Variants in PRH1 observed in about 807,000 individuals in gnomAD.
PRH1 encodes the protein proline rich protein HaeIII subfamily 1, also known as salivary acidic proline-rich phosphoprotein 1/2.
A neutral mutation model predicts 7.9 loss-of-function variants in PRH1; 7 were observed. That is an observed-to-expected ratio of 0.89 (90% CI 0.50 to 1.67). PRH1 has a LOEUF of 1.67. Among genes scored for constraint, PRH1 ranks in the 40% most tolerant of loss-of-function variants. The pLI is 0.00. For missense variants in PRH1, 109 were observed against 223.6 expected, an observed-to-expected ratio of 0.49 and a Z score of 3.27; for synonymous variants, 45 against 80.8, an observed-to-expected ratio of 0.56 and a Z score of 2.38.
intron 1 of PRH1, among the ~76,000 whole-genome samples, chr12:11,084,533 G>T (rs1185682092): frequency 1.3e-5 from 2 of 149,022 alleles, no homozygotes; most frequent in African/African-American, 4.9e-5. Context: ...CAAACTAACT[G>T]CTCTGATTTA....
intron 2 of PRH1, among the ~76,000 whole-genome samples, chr12:10,905,157 C>G (rs1162900153): frequency 1.3e-5 from 2 of 152,004 alleles, no homozygotes; most frequent in Non-Finnish European, 2.9e-5. Context: ...ACCATTCAAC[C>G]TAGTCATCCC....
intron 1 of PRH1, among the ~76,000 whole-genome samples, chr12:11,036,842 T>A (rs1254050262): frequency 6.6e-6 from 1 of 152,196 alleles, no homozygotes; most frequent in African/African-American, 2.4e-5. Flanking sequence ...TAGACGATGA[T>A]GATAATGATG....
intron 2 of PRH1, among the ~76,000 whole-genome samples, chr12:10,948,027 G>A (rs997630574): frequency 2.6e-5 from 4 of 152,042 alleles, no homozygotes; most frequent in Admixed American, 6.6e-5. Flanking sequence ...CCCTTTGTAC[G>A]TGACCTGCCC....
At chr12:10,990,058 A>T (rs1939855142) in intron 1 of PRH1, among the ~76,000 whole-genome samples, 1 of 152,208 alleles carries the variant, frequency 6.6e-6, no homozygotes, top group South Asian at 2.1e-4. Flanking sequence ...GAATCACATC[A>T]CCTGACTTCA....
At chr12:11,151,055 T>C (rs1487882141) in intron 1 of PRH1, among the ~76,000 whole-genome samples, 1 of 152,202 alleles carries the variant, frequency 6.6e-6, no homozygotes, top group Non-Finnish European at 1.5e-5. Flanking sequence ...CTTGCTGGGC[T>C]GGCTGGACCC....
At chr12:11,063,253 G>A (rs1817043) in intron 1 of PRH1, among the ~76,000 whole-genome samples, 113,453 of 152,030 alleles carry the variant, frequency 0.75, 44,780 homozygotes, top group East Asian at 0.96. Context: ...CACTGAGAAG[G>A]CTGACTACCT....
chr12:11,059,731 C>G (rs201683815), intron 1 of PRH1, among the ~76,000 whole-genome samples: 1 of 141,850 alleles, frequency 7.0e-6, no homozygotes, highest in African/African-American at 2.5e-5. Flanking sequence ...TTTTCCTCTG[C>G]GGAAGGATTC....
At chr12:10,965,432 T>G in intron 2 of PRH1, 1 of 548,794 alleles carries the variant, frequency 1.8e-6, no homozygotes, top group Non-Finnish European at 2.9e-6. Flanking sequence ...ACCTTAAATT[T>G]TATGTGGACC....
chr12:11,015,068 G>A (rs950338045), intron 1 of PRH1, among the ~76,000 whole-genome samples: 2 of 152,140 alleles, frequency 1.3e-5, no homozygotes, highest in African/African-American at 4.8e-5. Flanking sequence ...CGTGTTAAGA[G>A]AGAAAAGGGT....
intron 1 of PRH1, among the ~76,000 whole-genome samples, chr12:11,079,962 C>A (rs1172057035): frequency 2.3e-5 from 3 of 129,322 alleles, no homozygotes; most frequent in Non-Finnish European, 5.3e-5. Context: ...TAGAAATGAG[C>A]CAAAACAAAA....
At chr12:11,076,546 A>T (rs553255269) in intron 1 of PRH1, among the ~76,000 whole-genome samples, 1 of 131,954 alleles carries the variant, frequency 7.6e-6, no homozygotes, top group East Asian at 2.0e-4. Flanking sequence ...AATACTTGAC[A>T]TCAGATGTCA....
At chr12:11,001,900 T>C (rs914817873) in intron 1 of PRH1, among the ~76,000 whole-genome samples, 7 of 152,070 alleles carry the variant, frequency 4.6e-5, no homozygotes, top group African/African-American at 1.7e-4. Flanking sequence ...AAAAAATAAA[T>C]AAAATAAAAC....
At chr12:11,011,050 A>G (rs1255725703) in intron 1 of PRH1, among the ~76,000 whole-genome samples, 1 of 152,046 alleles carries the variant, frequency 6.6e-6, no homozygotes, top group East Asian at 1.9e-4. Context: ...ACAACTCCTA[A>G]AAGAACTCAA....
chr12:10,995,186 T>G (rs1201472432), intron 1 of PRH1, among the ~76,000 whole-genome samples: 4 of 152,218 alleles, frequency 2.6e-5, no homozygotes, highest in African/African-American at 9.6e-5. Flanking sequence ...TCATATTCAT[T>G]CATTCACCAA....
At chr12:11,091,179 G>T (rs1489727498) in intron 1 of PRH1, 1 of 727,804 alleles carries the variant, frequency 1.4e-6, no homozygotes, top group Non-Finnish European at 1.9e-6. Context: ...ACTTTTCTAG[G>T]TATACGTTTG....
intron 2 of PRH1, among the ~76,000 whole-genome samples, chr12:10,911,326 G>C (rs1466202036): frequency 1.3e-5 from 2 of 152,132 alleles, no homozygotes; most frequent in Non-Finnish European, 2.9e-5. Flanking sequence ...CATAGAGAAT[G>C]GATAACAGGC....
chr12:11,042,623 CTT>C lies in PRH1; in HGVS notation c.-126+4395_-126+4396del, dbSNP rs71051557. Among the ~76,000 whole-genome samples the C allele has an allele frequency of 1.5e-3, 121 of 79,278 alleles. 1 individual carries two copies. Among genetic ancestry groups the C allele is most frequent in the African/African-American group, 2.9e-3 (54 of 18,904 alleles). The allele number at this position is 79,278 out of a possible 152,430, so 52.0% of individuals were successfully genotyped here. ...AAGAGGGACTACTTCCAGGCTCATT[CTT>C]TTTTTTTTTTTTTTTTTTTTTTGAG... On this transcript the variant is annotated intron_variant, in intron 1 of 3. Coordinates refer to the PRH1 transcript ENST00000539853.
chr12:11,171,590 G>T, upstream of PRH1: 1 of 1,227,968 alleles, frequency 8.1e-7, no homozygotes, highest in Non-Finnish European at 1.0e-6. Context: ...ACGGCCTCCG[G>T]GGCCAGCATG....
At chr12:11,052,596 C>A (rs1453796797) in intron 1 of PRH1, among the ~76,000 whole-genome samples, 1 of 152,120 alleles carries the variant, frequency 6.6e-6, no homozygotes, top group Non-Finnish European at 1.5e-5. Context: ...TGTTTTCTCT[C>A]CTCTAATCTT....
Sources: allele counts gnomAD v4.1 joint callset (sites outside exome capture counted in the v4.1 genomes callset), GRCh38; gene constraint gnomAD v4.1.1; transcripts MANE v1.5; gene names NCBI Gene and HGNC (gene_info 2026-07-23, HGNC 2026-07-21).